ZNF8: variants seen among roughly 807,000 people sequenced by gnomAD.
ZNF8 encodes the protein zinc finger protein 272.
In ZNF8, 9 loss-of-function variants were observed where a neutral mutation model predicts 12.2. The ratio of observed to expected loss-of-function variants is 0.73; its 90% CI spans 0.44 to 1.28. The LOEUF is 1.28. Among genes scored for constraint, ZNF8 ranks in the 50% most tolerant of loss-of-function variants. ZNF8 has a pLI of 0.00. For missense variants in ZNF8, 664 were observed against 729.1 expected, an observed-to-expected ratio of 0.91 and a Z score of 1.03; for synonymous variants, 274 against 282.3, an observed-to-expected ratio of 0.97 and a Z score of 0.30.
intron 3 of ZNF8, among the ~76,000 whole-genome samples, chr19:58,291,230 C>T (rs536288654): frequency 6.6e-5 from 10 of 152,284 alleles, no homozygotes; most frequent in Admixed American, 5.2e-4. Context: ...TCCTGGCTGA[C>T]TACAGTCCCA....
Position 58,294,163 on chromosome 19 carries a change from T to C in ZNF8, c.355T>C (p.Ser119Pro). The change falls in exon 4 of 4, where the codon TCC becomes CCC. Residue 119 changes from serine (S) to proline (P), a missense_variant. This residue lies in a region of ZNF8 where 306 missense variants were observed against 308.7 expected (regional missense o/e 0.99). Transcript: ENST00000621650. The surrounding 1 kb of genome is among the most constrained non-coding windows in gnomAD (Gnocchi z 5.5). The part of the protein sequence containing the change: ...KEEGLPEEEP[S>P]HVTGREGFPT... ...AGAGGGCCTGCCTGAAGAGGAGCCA[T>C]CCCATGTCACGGGAAGGGAAGGATT... is the stretch of plus-strand genomic sequence containing the variant. The C allele has an allele frequency of 6.2e-7, 1 of 1,613,782 alleles. No homozygotes were observed. Among genetic ancestry groups the C allele is most frequent in the Non-Finnish European group, 8.5e-7 (1 of 1,179,772 alleles).
Position 58,286,126 on chromosome 19 carries a change from G to T in ZNF8, c.210G>T (p.Lys70Asn). The T allele has an allele frequency of 6.2e-7, 1 of 1,614,122 alleles. No homozygotes were observed. The highest frequency in any genetic ancestry group is 8.5e-7 in the Non-Finnish European group (1 of 1,180,028). ...HLLSIGPELP[K>N]PEVISQLEQG... is the part of the protein sequence containing the mutation. ...CATTTCCAGGTCCTGAGCTTCCGAAGCCTGAAGTCATCTCCCAGCTGGAGC... is the reference window on the plus strand; with the variant it reads ...CATTTCCAGGTCCTGAGCTTCCGAATCCTGAAGTCATCTCCCAGCTGGAGC... The change falls in exon 3 of 4, where the codon AAG becomes AAT. Residue 70 changes from lysine to asparagine, a missense_variant. Lys to Asn is a moderately conservative substitution (Grantham distance 94). Coordinates refer to ENST00000621650, the MANE Select transcript of ZNF8 (RefSeq NM_021089.3).
chr19:58,290,029 C>T (rs1246946546), intron 3 of ZNF8, among the ~76,000 whole-genome samples: 2 of 151,094 alleles, frequency 1.3e-5, no homozygotes, highest in Non-Finnish European at 2.9e-5. Flanking sequence ...ATCTCTTGAC[C>T]TTGTGATCCG....
Position 58,295,670 on chromosome 19 carries a change from C to T in ZNF8, c.*134C>T, listed in dbSNP as rs1055469968. ...TGACTTTCTAAGGAAATGATGCTTC[C>T]CAAGCACCCGAGGTTGGTTGGTCCC... On this transcript the variant is annotated 3_prime_UTR_variant, in exon 4 of 4. Coordinates refer to ENST00000621650, the MANE Select transcript of ZNF8 (RefSeq NM_021089.3). 1 of 804,466 alleles carries T rather than the reference C, an allele frequency of 1.2e-6. No homozygotes were observed. The highest frequency in any genetic ancestry group is 1.8e-5 in the South Asian group (1 of 54,518). 49.8% of individuals were successfully genotyped at this position (804,466 alleles called of 1,614,324 possible).
In ZNF8 at chr19:58,294,490, C is replaced by G. The variant is rs758896240; in HGVS notation, c.682C>G (p.Pro228Ala). 2 of 1,614,154 alleles carry G rather than the reference C, an allele frequency of 1.2e-6. No individual in the cohort carries two copies. Among genetic ancestry groups the G allele is most frequent in the Admixed American group, 3.3e-5 (2 of 60,020 alleles). The change falls in exon 4 of 4, where the codon CCC becomes GCC. Residue 228 changes from proline (P) to alanine (A), a missense_variant. By Grantham distance (27) the Pro-to-Ala change is conservative. Around this residue, in one of 3 missense-constraint regions of ZNF8, gnomAD observed 306 missense variants for 308.7 expected, o/e 0.99. Transcript: ENST00000621650. The surrounding 1 kb of genome is among the most constrained non-coding windows in gnomAD (Gnocchi z 5.5). Reference sequence around the variant, plus strand: ...GCAGACAGGCTCCCCAGGAAAACAGCCCGGTGAAAACAGTGACTGTCACAG... The same window carrying G: ...GCAGACAGGCTCCCCAGGAAAACAGGCCGGTGAAAACAGTGACTGTCACAG... ...SQQTGSPGKQ[P>A]GENSDCHRDS...
Position 58,295,470 on chromosome 19 carries a change from C to T in ZNF8, c.1662C>T (p.His554=), listed in dbSNP as rs138291199. 116 of 1,613,232 alleles carry T rather than the reference C, an allele frequency of 7.2e-5. No homozygotes were observed. The highest frequency in any genetic ancestry group is 3.1e-4 in the African/African-American group (23 of 75,026). Residue 554 remains histidine, a synonymous_variant, in exon 4 of 4, where the codon CAC becomes CAT. Transcript: ENST00000621650. ...QKIMQEKNPV[H]VIGVEEPSVG... ...TCATGCAAGAGAAAAACCCTGTGCA[C>T]GTTATTGGGGTGGAAGAGCCTTCTG...
chr19:58,294,542 C>T lies in ZNF8; in HGVS notation c.734C>T (p.Thr245Met), dbSNP rs766087882. The change falls in exon 4 of 4, where the codon ACG (threonine) becomes ATG (methionine). Residue 245 changes from threonine to methionine, a missense_variant. Physicochemically the swap from Thr to Met is moderately conservative, Grantham distance 81 (BLOSUM62 -1). Transcript: ENST00000621650. The surrounding 1 kb of genome is among the most constrained non-coding windows in gnomAD (Gnocchi z 5.5). Reference protein sequence around the residue: ...HRDSSQAIPITELTKSQVQDK... With the variant: ...HRDSSQAIPIMELTKSQVQDK... ...GATTCCAGTCAGGCCATTCCAATTA[C>T]GGAACTCACAAAAAGCCAGGTGCAG... is the stretch of plus-strand genomic sequence containing the variant. 34 of 1,614,044 alleles carry T rather than the reference C, an allele frequency of 2.1e-5. No homozygotes were observed. Among genetic ancestry groups the T allele is most frequent in the African/African-American group, 5.3e-5 (4 of 74,904 alleles).
In ZNF8 at chr19:58,299,282, T is replaced by G. The variant is rs1487310468; in HGVS notation, c.*3746T>G. 1 of 151,428 alleles carries G rather than the reference T, an allele frequency of 6.6e-6. No homozygotes were observed. Among genetic ancestry groups the G allele is most frequent in the African/African-American group, 2.4e-5 (1 of 41,220 alleles). The allele number at this position is 151,428 out of a possible 1,614,324, so 9.4% of individuals were successfully genotyped here. ...CGCCCGCCACCACGCCCGGCAAATT[T>G]TTTGCGTTTTTAGTAGAGACGGGGT... On this transcript the variant is annotated 3_prime_UTR_variant, in exon 4 of 4. Transcript: ENST00000621650.
In ZNF8 at chr19:58,294,556, A is replaced by T. The variant is rs764799166; in HGVS notation, c.748A>T (p.Ser250Cys). The T allele has an allele frequency of 6.2e-7, 1 of 1,614,180 alleles. No homozygotes were observed. Among genetic ancestry groups the T allele is most frequent in the South Asian group, 1.1e-5 (1 of 91,084 alleles). The change falls in exon 4 of 4, where the codon AGC becomes TGC. Residue 250 changes from serine (S) to cysteine (C), a missense_variant. Around this residue, in one of 3 missense-constraint regions of ZNF8, gnomAD observed 306 missense variants for 308.7 expected, o/e 0.99. Transcript: ENST00000621650. The surrounding 1 kb of genome is among the most constrained non-coding windows in gnomAD (Gnocchi z 5.5). Reference sequence around the variant, plus strand: ...CATTCCAATTACGGAACTCACAAAAAGCCAGGTGCAGGACAAACCCTACAA... The same window carrying T: ...CATTCCAATTACGGAACTCACAAAATGCCAGGTGCAGGACAAACCCTACAA... ...QAIPITELTKSQVQDKPYKCT... is the reference protein window; with the variant it reads ...QAIPITELTKCQVQDKPYKCT...
At chr19:58,293,962 A>G in intron 3 of ZNF8, 136 bp from the exon 4 acceptor site, 1 of 758,688 alleles carries the variant, frequency 1.3e-6, no homozygotes, top group South Asian at 2.0e-5. Flanking sequence ...TGATGTTAAA[A>G]TAAGAGGAGA....
intron 1 of ZNF8, chr19:58,280,072 C>T (rs1331503514): frequency 5.6e-6 from 2 of 355,984 alleles, no homozygotes; most frequent in East Asian, 8.2e-5. Context: ...GTAAGAAAGG[C>T]TTGAGAGAAA....
intron 1 of ZNF8, among the ~76,000 whole-genome samples, chr19:58,282,982 T>TC (rs1284679528): frequency 6.6e-6 from 1 of 150,552 alleles, no homozygotes; most frequent in Non-Finnish European, 1.5e-5. Flanking sequence ...TTTCTCTTCT[T>TC]TTTTTTTTCT....
In ZNF8 at chr19:58,296,669, G is replaced by T. The variant is rs1221865776; in HGVS notation, c.*1133G>T. On this transcript the variant is annotated 3_prime_UTR_variant, in exon 4 of 4. Coordinates refer to ENST00000621650, the MANE Select transcript of ZNF8 (RefSeq NM_021089.3). ...CAAAGTGCTGGGTTTACAGGCATGA[G>T]CCACTATGCCCAGCTGAGCCAGAGG... is the stretch of plus-strand genomic sequence containing the variant. The T allele has an allele frequency of 6.6e-6, 1 of 152,232 alleles. No homozygotes were observed. The highest frequency in any genetic ancestry group is 1.5e-5 in the Non-Finnish European group (1 of 68,138). The allele number at this position is 152,232 out of a possible 1,614,324, so 9.4% of individuals were successfully genotyped here. A position where few individuals can be genotyped will look rare whatever the true frequency, so the allele number is the denominator to read the frequency against.
chr19:58,293,130 G>T (rs2051430330), intron 3 of ZNF8, among the ~76,000 whole-genome samples: 1 of 152,098 alleles, frequency 6.6e-6, no homozygotes, highest in African/African-American at 2.4e-5. Context: ...TGTATTTTTA[G>T]TAGAGACAGG....
chr19:58,293,109 C>T (rs146051274), intron 3 of ZNF8, among the ~76,000 whole-genome samples: 3 of 152,154 alleles, frequency 2.0e-5, no homozygotes, highest in African/African-American at 2.4e-5. Context: ...ACACCACACC[C>T]GAATAATTTT....
Position 58,278,957 on chromosome 19 carries a change from AGTCGCCGC to A in ZNF8, c.-117_-110del, listed in dbSNP as rs959156520. Reference sequence around the variant, plus strand: ...CGCCGCACGGCCTACTGGGAGTTGTAGTCGCCGCGTCGCCGGTGCGGCCGCCATTGTCC... The same window carrying A: ...CGCCGCACGGCCTACTGGGAGTTGTAGTCGCCGGTGCGGCCGCCATTGTCC... On this transcript the variant is annotated 5_prime_UTR_variant, in exon 1 of 4. Transcript: ENST00000621650. 3.4e-6 allele frequency: 4 copies of A among 1,179,016 alleles called. No individual in the cohort carries two copies. Among genetic ancestry groups the A allele is most frequent in the South Asian group, 2.0e-5 (1 of 49,180 alleles). The allele number at this position is 1,179,016 out of a possible 1,614,324, so 73.0% of individuals were successfully genotyped here.
Position 58,302,144 on chromosome 19 carries a change from A to G in ZNF8, c.*6608A>G, listed in dbSNP as rs1869306242. The stretch of plus-strand genomic sequence containing the variant: ...TCAGTTCACATTTTCTAAGCATGAT[A>G]TTCCTACTGATTTCCTTGTAGATAT... On this transcript the variant is annotated 3_prime_UTR_variant, in exon 4 of 4. Coordinates refer to ENST00000621650, the MANE Select transcript of ZNF8 (RefSeq NM_021089.3). The G allele has an allele frequency of 6.6e-6, 1 of 152,184 alleles. No homozygotes were observed. 9.4% of individuals were successfully genotyped at this position (152,184 alleles called of 1,614,324 possible). A position where few individuals can be genotyped will look rare whatever the true frequency, so the allele number is the denominator to read the frequency against.
rs398059880 is a variant in ZNF8, at chr19:58,298,028, C to CTTTTTT, written c.*2501_*2506dup. On this transcript the variant is annotated 3_prime_UTR_variant, in exon 4 of 4. Coordinates refer to ENST00000621650, the MANE Select transcript of ZNF8 (RefSeq NM_021089.3). ...AATTTCACTTAATTTCTTTTCTTTT[C>CTTTTTT]TTTTTTTTTTTTTTCTTTTGAGACG... The CTTTTTT allele has an allele frequency of 3.5e-5, 5 of 144,176 alleles. No homozygotes were observed. Among genetic ancestry groups the CTTTTTT allele is most frequent in the East Asian group, 2.0e-4 (1 of 4,976 alleles). 8.9% of individuals were successfully genotyped at this position (144,176 alleles called of 1,614,324 possible).
At chr19:58,280,822 A>G (rs544715961) in intron 1 of ZNF8, among the ~76,000 whole-genome samples, 9 of 152,208 alleles carry the variant, frequency 5.9e-5, no homozygotes, top group African/African-American at 1.9e-4. Context: ...CAGACCTTCT[A>G]TTCCTTGCCT....
Sources: allele counts gnomAD v4.1 joint callset (sites outside exome capture counted in the v4.1 genomes callset), GRCh38; gene constraint gnomAD v4.1.1; regional missense constraint gnomAD v4.1.1; non-coding constraint Gnocchi (gnomAD v3.1); transcripts MANE v1.5; gene names NCBI Gene and HGNC (gene_info 2026-07-23, HGNC 2026-07-21).